The following SH2D4B variants were observed in gnomAD, a reference collection of about 807,000 sequenced individuals.
SH2D4B encodes the protein SH2 domain-containing protein 4B.
A neutral mutation model predicts 61.5 loss-of-function variants in SH2D4B; 45 were observed. The ratio of observed to expected loss-of-function variants is 0.73; its 90% CI spans 0.58 to 0.94. The LOEUF is 0.94. SH2D4B is among the 40% of genes least tolerant of loss of function. SH2D4B has a pLI of 0.00. For missense variants in SH2D4B, 572 were observed against 574.2 expected, an observed-to-expected ratio of 1.00 and a Z score of 0.04; for synonymous variants, 224 against 220.4, an observed-to-expected ratio of 1.02 and a Z score of -0.14.
intron 7 of SH2D4B, among the ~76,000 whole-genome samples, chr10:80,636,970 G>A (rs1840191018): frequency 1.3e-5 from 2 of 152,134 alleles, no homozygotes; most frequent in Non-Finnish European, 2.9e-5. Context: ...TTTGTATAAG[G>A]TATAAGGAAG....
At chr10:80,614,930 G>T (rs1842643851) in intron 6 of SH2D4B, among the ~76,000 whole-genome samples, 1 of 152,232 alleles carries the variant, frequency 6.6e-6, no homozygotes. Context: ...AGAAACTGAG[G>T]TGTAAGCAAT....
chr10:80,550,588 C>T (rs551930231), intron 1 of SH2D4B, among the ~76,000 whole-genome samples: 225 of 151,258 alleles, frequency 1.5e-3, no homozygotes, highest in South Asian at 2.7e-3. Context: ...AGTGAGATTC[C>T]GTCTCAAAAA....
At chr10:80,575,715 C>T (rs770312880) in intron 3 of SH2D4B, among the ~76,000 whole-genome samples, 3 of 152,216 alleles carry the variant, frequency 2.0e-5, no homozygotes, top group Non-Finnish European at 2.9e-5. Context: ...GCAGAGGTTG[C>T]AGCGAGTGGA....
At chr10:80,613,956 G>A (rs1209857244) in intron 6 of SH2D4B, among the ~76,000 whole-genome samples, 1 of 152,150 alleles carries the variant, frequency 6.6e-6, no homozygotes, top group Non-Finnish European at 1.5e-5. Context: ...TTTGAGGGAA[G>A]GGAAGGAAAT....
In SH2D4B at chr10:80,634,251, CTG is replaced by C. The variant is rs750603436; in HGVS notation, c.989-30_989-29del. On this transcript the variant is annotated intron_variant, in intron 6 of 7. Coordinates refer to ENST00000646907, the MANE Select transcript of SH2D4B (RefSeq NM_001388272.1). ...GTGGGGGAGGCAGTCGCAGAACCTG[CTG>C]TGTTTTTTTGTTTTTTTCTATTTTA... 1.1e-5 allele frequency: 16 copies of C among 1,483,390 alleles called. No individual in the cohort carries two copies. The South Asian group carries it at 1.9e-4, about 18-fold the overall frequency. The allele number at this position is 1,483,390 out of a possible 1,614,324, so 91.9% of individuals were successfully genotyped here.
intron 3 of SH2D4B, among the ~76,000 whole-genome samples, chr10:80,573,523 A>G (rs751291943): frequency 3.3e-5 from 5 of 152,184 alleles, no homozygotes; most frequent in Admixed American, 6.5e-5. Context: ...GTGATGTAAT[A>G]GAGGGCTCTT....
chr10:80,598,450 C>T (rs1297790638), intron 4 of SH2D4B, among the ~76,000 whole-genome samples: 1 of 152,178 alleles, frequency 6.6e-6, no homozygotes, highest in Non-Finnish European at 1.5e-5. Context: ...TGTGATCATT[C>T]AGGCCCTGTG....
chr10:80,609,658 C>T, intron 6 of SH2D4B, 107 bp downstream of exon 6: 1 of 1,532,812 alleles, frequency 6.5e-7, no homozygotes. Context: ...GGGCAGAGGA[C>T]TTTAAGCAAT....
At chr10:80,559,936 T>C (rs1252369003) in intron 1 of SH2D4B, among the ~76,000 whole-genome samples, 1 of 151,946 alleles carries the variant, frequency 6.6e-6, no homozygotes, top group Non-Finnish European at 1.5e-5. Flanking sequence ...GTAACTATGT[T>C]GTTGAAATCT....
chr10:80,553,209 T>C (rs1033592817), intron 1 of SH2D4B, among the ~76,000 whole-genome samples: 3 of 152,202 alleles, frequency 2.0e-5, no homozygotes, highest in Non-Finnish European at 4.4e-5. Flanking sequence ...TGAGCCACCA[T>C]GCCTGGCTGG....
intron 4 of SH2D4B, 65 bp downstream of exon 4, chr10:80,588,842 G>A: frequency 6.3e-7 from 1 of 1,586,316 alleles, no homozygotes; most frequent in South Asian, 1.1e-5. Flanking sequence ...TCCTCCCAAT[G>A]CTGATGTACT....
chr10:80,559,985 CTTTTTTTTTT>C (rs144516423), intron 1 of SH2D4B, among the ~76,000 whole-genome samples: 7 of 124,600 alleles, frequency 5.6e-5, no homozygotes, highest in Non-Finnish European at 1.1e-4. Context: ...TAAAATACAC[CTTTTTTTTTT>C]TTTTTTTTTT....
chr10:80,577,141 G>A (rs192932102), intron 3 of SH2D4B, among the ~76,000 whole-genome samples: 190 of 152,278 alleles, frequency 1.2e-3, no homozygotes, highest in Non-Finnish European at 2.1e-3. Context: ...GCTCATTTTT[G>A]GAAGCTGTCC....
chr10:80,559,794 C>A (rs7904697), intron 1 of SH2D4B, among the ~76,000 whole-genome samples: 1 of 151,046 alleles, frequency 6.6e-6, no homozygotes, highest in Non-Finnish European at 1.5e-5. Flanking sequence ...TGCACCACCA[C>A]GTCTGGCTAA....
At chr10:80,605,221 C>T (rs1219323443) in intron 5 of SH2D4B, among the ~76,000 whole-genome samples, 1 of 151,032 alleles carries the variant, frequency 6.6e-6, no homozygotes, top group Non-Finnish European at 1.5e-5. Flanking sequence ...ACTTTGATTG[C>T]TTTCCCCTCA....
intron 6 of SH2D4B, among the ~76,000 whole-genome samples, chr10:80,632,808 TC>T (rs1168726539): frequency 1.3e-5 from 2 of 151,948 alleles, no homozygotes; most frequent in African/African-American, 4.8e-5. Flanking sequence ...GCGGGGTGCA[TC>T]CTCCCTCTTG....
chr10:80,544,649 C>G (rs1362041998), intron 1 of SH2D4B, among the ~76,000 whole-genome samples: 1 of 152,264 alleles, frequency 6.6e-6, no homozygotes, highest in African/African-American at 2.4e-5. Context: ...CCTGCCTGGA[C>G]CCCTGCATGG....
At chr10:80,546,028 CTTTCTTTCTCTCTCTT>C (rs1841674452) in intron 1 of SH2D4B, among the ~76,000 whole-genome samples, 3 of 149,030 alleles carry the variant, frequency 2.0e-5, no homozygotes, top group African/African-American at 7.4e-5. Flanking sequence ...CTTTCTCTTT[CTTTCTTTCTCTCTCTT>C]TCTTTTTTTT....
intron 1 of SH2D4B, among the ~76,000 whole-genome samples, chr10:80,543,353 C>A (rs533800810): frequency 6.6e-6 from 1 of 152,196 alleles, no homozygotes; most frequent in African/African-American, 2.4e-5. Context: ...GGCCGGCCAC[C>A]TGGCCGGCCC....
Sources: allele counts gnomAD v4.1 joint callset (sites outside exome capture counted in the v4.1 genomes callset), GRCh38; gene constraint gnomAD v4.1.1; transcripts MANE v1.5; gene names NCBI Gene and HGNC (gene_info 2026-07-23, HGNC 2026-07-21).